Variants in HTR2A observed in about 807,000 individuals in gnomAD.
HTR2A encodes 5-hydroxytryptamine receptor 2A.
Under a neutral mutation model 31.0 loss-of-function variants are expected in HTR2A, and 14 were observed. The ratio of observed to expected loss-of-function variants is 0.45; its 90% CI spans 0.30 to 0.71. HTR2A has a LOEUF of 0.71. Ranked by LOEUF, HTR2A falls within the 30% of genes least tolerant of loss-of-function variation. HTR2A has a pLI of 0.09. For missense variants in HTR2A, 442 were observed against 573.3 expected (o/e 0.77, Z 2.34); for synonymous variants, 209 against 225.2 (o/e 0.93, Z 0.64).
Position 46,896,917 on chromosome 13 carries a change from C to A in HTR2A, c.-572G>T. 3 of 1,150,912 alleles carry A rather than the reference C, an allele frequency of 2.6e-6. No individual in the cohort carries two copies. The highest frequency in any genetic ancestry group is 3.7e-6 in the Non-Finnish European group (3 of 813,808). 71.3% of individuals were successfully genotyped at this position (1,150,912 alleles called of 1,614,324 possible). ...TCGGCTGGGTTCCTCCCTCCCTGTG[C>A]GGCTCGCCTCAGCAGGCACACATTT... is the stretch of plus-strand genomic sequence containing the variant. On this transcript the variant is annotated 5_prime_UTR_variant, in exon 1 of 4. Coordinates refer to ENST00000542664, the MANE Select transcript of HTR2A (RefSeq NM_000621.5).
chr13:46,864,894 G>A (rs1048524914), intron 3 of HTR2A, among the ~76,000 whole-genome samples: 4 of 152,104 alleles, frequency 2.6e-5, no homozygotes, highest in Non-Finnish European at 2.9e-5. Flanking sequence ...CTAGTTTAGC[G>A]TTTATTCAAT....
At chr13:46,866,530 T>C (rs779379266) in intron 3 of HTR2A, among the ~76,000 whole-genome samples, 13 of 152,352 alleles carry the variant, frequency 8.5e-5, no homozygotes, top group Non-Finnish European at 1.3e-4. Context: ...TTGTTAATTA[T>C]GAAATTCTGA....
intron 3 of HTR2A, among the ~76,000 whole-genome samples, chr13:46,892,073 T>C (rs756329217): frequency 6.6e-6 from 1 of 152,246 alleles, no homozygotes; most frequent in Non-Finnish European, 1.5e-5. Context: ...TTGAGGTCTT[T>C]GGGAAACCCA....
intron 3 of HTR2A, among the ~76,000 whole-genome samples, chr13:46,891,516 T>C (rs765885941): frequency 6.6e-5 from 10 of 152,258 alleles, no homozygotes; most frequent in Non-Finnish European, 1.5e-4. Context: ...ATTATTCCAA[T>C]GCTGTGGATA....
In HTR2A at chr13:46,834,950, C is replaced by T. The variant is rs1876388073; in HGVS notation, c.1303G>A (p.Asp435Asn). ...CAGTCATTATCTGTTGTCTTGGCAT[C>T]TTGCTTTGAATTCTTTTTTTGTCCC... ...QMGQKKNSKQ[D>N]AKTTDNDCSM... The change falls in exon 4 of 4, where the codon GAT (aspartate) becomes AAT (asparagine). Residue 435 changes from aspartate to asparagine, a missense_variant. Asp to Asn is a conservative substitution (Grantham distance 23). Transcript: ENST00000542664. The T allele has an allele frequency of 6.2e-7, 1 of 1,614,114 alleles. No individual in the cohort carries two copies. The highest frequency in any genetic ancestry group is 1.3e-5 in the African/African-American group (1 of 75,046).
intron 3 of HTR2A, among the ~76,000 whole-genome samples, chr13:46,865,121 C>T (rs1434156954): frequency 6.6e-6 from 1 of 152,318 alleles, no homozygotes; most frequent in East Asian, 1.9e-4. Context: ...CTCCTTCCTC[C>T]GGATCTTGGT....
intron 3 of HTR2A, among the ~76,000 whole-genome samples, chr13:46,859,687 T>A (rs971077873): frequency 6.6e-6 from 1 of 152,160 alleles, no homozygotes; most frequent in East Asian, 1.9e-4. Context: ...TCTGCCATGA[T>A]TGAAAGTTTC....
chr13:46,842,605 A>G (rs1034697417), intron 3 of HTR2A, among the ~76,000 whole-genome samples: 20 of 152,134 alleles, frequency 1.3e-4, no homozygotes, highest in Non-Finnish European at 2.4e-4. Context: ...TAGTGTCCCT[A>G]ACACTCGAGC....
chr13:46,881,034 C>T (rs1950957437), intron 3 of HTR2A, among the ~76,000 whole-genome samples: 1 of 152,190 alleles, frequency 6.6e-6, no homozygotes, highest in Non-Finnish European at 1.5e-5. Flanking sequence ...GGCAGGCTCT[C>T]AGCTGCCTGG....
At chr13:46,890,066 G>T (rs1187926307) in intron 3 of HTR2A, among the ~76,000 whole-genome samples, 4 of 151,300 alleles carry the variant, frequency 2.6e-5, no homozygotes. Context: ...GGTCAAATGT[G>T]GGGGCAGTGG....
Position 46,835,479 on chromosome 13 carries a change from G to T in HTR2A, c.774C>A (p.Ile258=). ...TIMVITYFLT[I]KSLQKEATLC... ...AAGTAGCTTCTTTCTGGAGTGACTT[G>T]ATAGTTAGAAAGTAGGTGATCACCA... Residue 258 remains isoleucine (I), a synonymous_variant, in exon 4 of 4, where the codon ATC becomes ATA. Transcript: ENST00000542664. 1.2e-6 allele frequency: 2 copies of T among 1,614,036 alleles called. No homozygotes were observed. Among genetic ancestry groups the T allele is most frequent in the Non-Finnish European group, 8.5e-7 (1 of 1,179,970 alleles).
At chr13:46,842,251 C>T (rs17068986) in intron 3 of HTR2A, among the ~76,000 whole-genome samples, 19,601 of 152,076 alleles carry the variant, frequency 0.13, 1,932 homozygotes, top group East Asian at 0.51. Flanking sequence ...TATTTAGCAA[C>T]GTGCTCATGA....
intron 3 of HTR2A, among the ~76,000 whole-genome samples, chr13:46,865,952 C>T (rs542046695): frequency 1.4e-3 from 218 of 152,254 alleles, no homozygotes; most frequent in Non-Finnish European, 1.7e-3. Context: ...GTGCTTGAGA[C>T]GAGGTAAGCT....
intron 3 of HTR2A, among the ~76,000 whole-genome samples, chr13:46,854,920 G>A (rs1044288997): frequency 4.6e-5 from 7 of 152,150 alleles, no homozygotes; most frequent in Admixed American, 3.9e-4. Context: ...TCATTAGGGT[G>A]GGCCCTAATC....
At chr13:46,888,470 G>GA (rs34023544) in intron 3 of HTR2A, among the ~76,000 whole-genome samples, 78,415 of 146,848 alleles carry the variant, frequency 0.53, 21,147 homozygotes, top group East Asian at 0.64. Context: ...ATGAAGTGCT[G>GA]AAAAAAAAAA....
intron 3 of HTR2A, among the ~76,000 whole-genome samples, chr13:46,838,504 T>C (rs1311300414): frequency 1.3e-5 from 2 of 152,172 alleles, no homozygotes; most frequent in African/African-American, 4.8e-5. Flanking sequence ...TATATCAACA[T>C]TATTTTATTC....
In HTR2A at chr13:46,896,829, T is replaced by C. The variant is rs1239564155; in HGVS notation, c.-484A>G. 1.3e-6 allele frequency: 2 copies of C among 1,536,970 alleles called. No individual in the cohort carries two copies. Among genetic ancestry groups the C allele is most frequent in the Non-Finnish European group, 8.7e-7 (1 of 1,146,830 alleles). On this transcript the variant is annotated 5_prime_UTR_variant, in exon 1 of 4. Transcript: ENST00000542664. ...TTTCTGTTTTGCTGACTTCAAAAAC[T>C]GCATGCAAGAGCTGAGCCAGCTCCC...
In HTR2A at chr13:46,835,293, C is replaced by A; in HGVS notation, c.960G>T (p.Lys320Asn). 6.2e-7 allele frequency: 1 copy of A among 1,614,140 alleles called. No homozygotes were observed. The highest frequency in any genetic ancestry group is 8.5e-7 in the Non-Finnish European group (1 of 1,180,006). The change falls in exon 4 of 4, where the codon AAG becomes AAT. Residue 320 changes from lysine (K) to asparagine (N), a missense_variant. Physicochemically the swap from Lys to Asn is moderately conservative, Grantham distance 94. Transcript: ENST00000542664. ...RTMQSISNEQ[K>N]ACKVLGIVFF... ...AGACGATGCCCAGCACCTTGCATGC[C>A]TTTTGCTCATTGCTGATGGACTGCA...
chr13:46,846,897 T>C (rs1420031030), intron 3 of HTR2A, among the ~76,000 whole-genome samples: 1 of 152,204 alleles, frequency 6.6e-6, no homozygotes, highest in African/African-American at 2.4e-5. Flanking sequence ...ACAGTGTCAC[T>C]AGTGTCATTT....
Sources: gnomAD v4.1 joint callset for allele counts (sites outside exome capture counted in the v4.1 genomes callset) on GRCh38, gnomAD v4.1.1 for gene constraint, MANE v1.5 for transcripts, NCBI Gene and HGNC (gene_info 2026-07-23, HGNC 2026-07-21) for gene names.